The following THBS3 variants were observed in gnomAD, a reference collection of about 807,000 sequenced individuals.
THBS3 encodes thrombospondin-3.
THBS3 carries 78 observed loss-of-function variants against 118.3 expected under a neutral mutation model. The observed-to-expected ratio is 0.66, with a 90% CI of 0.55 to 0.80. The LOEUF is 0.80. THBS3 is among the 30% of genes least tolerant of loss of function. The probability of loss-of-function intolerance (pLI) is 0.00; values close to 1 mark genes in which losing one functional copy is unlikely to be tolerated. For synonymous variants in THBS3, 427 were observed against 475.3 expected, an observed-to-expected ratio of 0.90 and a Z score of 1.32; for missense variants, 1,057 against 1,247.4, an observed-to-expected ratio of 0.85 and a Z score of 2.30.
intron 4 of THBS3, among the ~76,000 whole-genome samples, chr1:155,204,011 G>T (rs1424217916): frequency 6.6e-6 from 1 of 151,830 alleles, no homozygotes; most frequent in African/African-American, 2.4e-5. Context: ...CTAATTTTTT[G>T]TATTTTTTAG....
chr1:155,202,794 G>C lies in THBS3; in HGVS notation c.957+18C>G. On this transcript the variant is annotated intron_variant, in intron 8 of 22. Coordinates refer to ENST00000368378, the MANE Select transcript of THBS3 (RefSeq NM_007112.5). This position sits in a 1 kb window ranked among gnomAD's most constrained non-coding sequence, Gnocchi z 5.5. ...CACCCCAGTTTTCTGTACCCTTCTG[G>C]GCTCTGACCTCCCTCACCTCATTGA... The C allele has an allele frequency of 6.2e-7, 1 of 1,602,568 alleles. No individual in the cohort carries two copies. The highest frequency in any genetic ancestry group is 8.5e-7 in the Non-Finnish European group (1 of 1,173,596).
chr1:155,206,226 G>GC lies in THBS3; in HGVS notation c.259dup (p.Ala87GlyfsTer33), dbSNP rs1379727466. Reference sequence around the variant, plus strand: ...TTTGTTGATCTTGCCTACAACAGAGGCCTCCAGCCATCGAGTGTTGTCTTG... The same window carrying GC: ...TTTGTTGATCTTGCCTACAACAGAGGCCCTCCAGCCATCGAGTGTTGTCTTG... On this transcript the variant is annotated frameshift_variant, in exon 2 of 23. Coordinates refer to ENST00000368378, the MANE Select transcript of THBS3 (RefSeq NM_007112.5). LOFTEE classifies it high-confidence loss of function. The surrounding 1 kb of genome is among the most constrained non-coding windows in gnomAD (Gnocchi z 4.2). 6.2e-7 allele frequency: 1 copy of GC among 1,614,112 alleles called. No individual in the cohort carries two copies. The highest frequency in any genetic ancestry group is 8.5e-7 in the Non-Finnish European group (1 of 1,180,012).
chr1:155,209,100 C>G, upstream of THBS3: 1 of 1,543,332 alleles, frequency 6.5e-7, no homozygotes, highest in Non-Finnish European at 8.7e-7. Context: ...CGCAGTTCAG[C>G]TGCCAGTCGG....
At chr1:155,208,978 G>T (rs764988599), upstream of THBS3, 11 of 1,605,534 alleles carry the variant, frequency 6.9e-6, no homozygotes, top group African/African-American at 5.3e-5. Context: ...CCACTTGGAC[G>T]AGGCGCCGTG....
At position 155,195,747 on chromosome 1, in the gene THBS3, C is replaced by A; in HGVS notation, c.*94G>T. ...GAGCCAGAGAAGGGTCTGTGGTTGG[C>A]TGAGGGGCTGTAGCTTAGACCTCAG... On this transcript the variant is annotated 3_prime_UTR_variant, in exon 23 of 23. Transcript: ENST00000368378. 1 of 1,378,708 alleles carries A rather than the reference C, an allele frequency of 7.3e-7. No individual in the cohort carries two copies. The highest frequency in any genetic ancestry group is 1.0e-6 in the Non-Finnish European group (1 of 988,510). 85.4% of individuals were successfully genotyped at this position (1,378,708 alleles called of 1,614,324 possible). A position where few individuals can be genotyped will look rare whatever the true frequency, so the allele number is the denominator to read the frequency against.
At position 155,201,704 on chromosome 1, in the gene THBS3, A is replaced by G. The variant is rs539737392; in HGVS notation, c.1177-135T>C. On this transcript the variant is annotated intron_variant, in intron 10 of 22. Transcript: ENST00000368378. Reference sequence around the variant, plus strand: ...ATATCAGTATCTCCTTTAGGTTATCATGACAACCTTTCAGGGTGGATAACA... The same window carrying G: ...ATATCAGTATCTCCTTTAGGTTATCGTGACAACCTTTCAGGGTGGATAACA... 1.8e-5 allele frequency: 20 copies of G among 1,098,658 alleles called. No homozygotes were observed. In the South Asian group the frequency reaches 3.0e-4, roughly 16 times the overall value. The allele number at this position is 1,098,658 out of a possible 1,614,324, so 68.1% of individuals were successfully genotyped here. A position where few individuals can be genotyped will look rare whatever the true frequency, so the allele number is the denominator to read the frequency against.
intron 16 of THBS3, among the ~76,000 whole-genome samples, chr1:155,199,587 C>T (rs1669331794): frequency 6.6e-6 from 1 of 152,058 alleles, no homozygotes; most frequent in Non-Finnish European, 1.5e-5. Context: ...AACCCTGTCT[C>T]TACTGAAAAT....
Position 155,204,868 on chromosome 1 carries a change from G to A in THBS3, c.633C>T (p.Ser211=), listed in dbSNP as rs201519926. 41 of 1,613,898 alleles carry A rather than the reference G, an allele frequency of 2.5e-5. No homozygotes were observed. The Admixed American group carries it at 4.2e-4, about 16-fold the overall frequency. ...TCTCTGTGTTACCTGCACTGTGGATGGACTCGTCCCCTTGGAATGGACACT... is the reference window on the plus strand; with the variant it reads ...TCTCTGTGTTACCTGCACTGTGGATAGACTCGTCCCCTTGGAATGGACACT... ...LSECPFQGDE[S]IHSAVTNALH... The change falls in exon 4 of 23, where the codon TCC becomes TCT. Residue 211 remains serine (S), a synonymous_variant. Transcript: ENST00000368378.
chr1:155,208,612 G>C (rs1277192933), upstream of THBS3: 2 of 594,330 alleles, frequency 3.4e-6, no homozygotes, highest in Non-Finnish European at 5.7e-6. Flanking sequence ...ACTAGCGGAC[G>C]GGCCGTGACC....
In THBS3 at chr1:155,202,682, C is replaced by T. The variant is rs1166345247; in HGVS notation, c.957+130G>A. ...CTTCTGTCTCTCCCATCTTGCATTT[C>T]TCTTGCCTCTGACCTCTCCTAAACT... On this transcript the variant is annotated intron_variant, in intron 8 of 22. Coordinates refer to ENST00000368378, the MANE Select transcript of THBS3 (RefSeq NM_007112.5). This position sits in a 1 kb window ranked among gnomAD's most constrained non-coding sequence, Gnocchi z 5.5. 9 of 1,352,194 alleles carry T rather than the reference C, an allele frequency of 6.7e-6. No homozygotes were observed. The highest frequency in any genetic ancestry group is 2.0e-6 in the Non-Finnish European group (2 of 996,278). 83.8% of individuals were successfully genotyped at this position (1,352,194 alleles called of 1,614,324 possible). A position where few individuals can be genotyped will look rare whatever the true frequency, so the allele number is the denominator to read the frequency against.
intron 12 of THBS3, 27 bp downstream of exon 12, chr1:155,201,067 G>GC (rs1557865371): frequency 1.2e-6 from 2 of 1,614,140 alleles, no homozygotes; most frequent in Admixed American, 3.3e-5. Flanking sequence ...TCCCCACTAC[G>GC]CCCCCTTGCC....
intron 17 of THBS3, 23 bp from the exon 18 acceptor site, chr1:155,198,243 C>A: frequency 6.2e-7 from 1 of 1,612,622 alleles, no homozygotes; most frequent in Non-Finnish European, 8.5e-7. Flanking sequence ...AGGCTGGGTG[C>A]TCAGGAAGGC....
In THBS3 at chr1:155,202,522, C is replaced by T. The variant is rs1358272170; in HGVS notation, c.958-121G>A. ...TGTGCAGCTCTCCCCACACAACTGC[C>T]TTGTGCTCCTGGTCCCCACCCCACT... On this transcript the variant is annotated intron_variant, in intron 8 of 22. Transcript: ENST00000368378. The surrounding 1 kb of genome is among the most constrained non-coding windows in gnomAD (Gnocchi z 5.5). 46 of 1,394,546 alleles carry T rather than the reference C, an allele frequency of 3.3e-5. No homozygotes were observed. Among genetic ancestry groups the T allele is most frequent in the Non-Finnish European group, 4.4e-5 (46 of 1,039,558 alleles). 86.4% of individuals were successfully genotyped at this position (1,394,546 alleles called of 1,614,324 possible).
At chr1:155,205,961 TACA>T (rs965039936) in intron 2 of THBS3, among the ~76,000 whole-genome samples, 1 of 152,152 alleles carries the variant, frequency 6.6e-6, no homozygotes, top group African/African-American at 2.4e-5. Context: ...CATCCCCAAG[TACA>T]ACCTCCCATC....
Position 155,203,077 on chromosome 1 carries a change from C to T in THBS3, c.808+9G>A. On this transcript the variant is annotated intron_variant, in intron 7 of 22. Coordinates refer to ENST00000368378, the MANE Select transcript of THBS3 (RefSeq NM_007112.5). ...GGTCATGTGGAGCCTCCCCTGCTCT[C>T]CCACTCACCGCACACCTGACACTCC... 3 of 1,614,162 alleles carry T rather than the reference C, an allele frequency of 1.9e-6. No individual in the cohort carries two copies. The highest frequency in any genetic ancestry group is 2.5e-6 in the Non-Finnish European group (3 of 1,180,026).
In THBS3 at chr1:155,200,957, A is replaced by G; in HGVS notation, c.1488T>C (p.Asn496=). ...TPNSGQEDAD[N]DGVGDQCDDD... is the part of the protein sequence containing the mutation. Reference sequence around the variant, plus strand: ...CATCACACTGGTCCCCCACACCATCATTATCAGCATCTTCCTGCCCAGAGT... The same window carrying G: ...CATCACACTGGTCCCCCACACCATCGTTATCAGCATCTTCCTGCCCAGAGT... Residue 496 remains asparagine, a synonymous_variant, in exon 13 of 23, where the codon AAT becomes AAC. Coordinates refer to ENST00000368378, the MANE Select transcript of THBS3 (RefSeq NM_007112.5). The G allele has an allele frequency of 6.2e-7, 1 of 1,614,082 alleles. No homozygotes were observed. The highest frequency in any genetic ancestry group is 8.5e-7 in the Non-Finnish European group (1 of 1,180,008).
chr1:155,208,643 C>T (rs1670879482), upstream of THBS3: 1 of 752,268 alleles, frequency 1.3e-6, no homozygotes, highest in South Asian at 2.1e-5. Flanking sequence ...AGAGGGGCGC[C>T]TGAGTTCCCG....
intron 13 of THBS3, 66 bp from the exon 14 acceptor site, chr1:155,200,676 C>T: frequency 6.3e-7 from 1 of 1,589,816 alleles, no homozygotes; most frequent in Non-Finnish European, 8.6e-7. Context: ...TTGCACCTAC[C>T]TTGTCTCTGT....
chr1:155,196,064 A>G lies in THBS3; in HGVS notation c.2735T>C (p.Met912Thr), dbSNP rs560635872. The G allele has an allele frequency of 6.2e-7, 1 of 1,614,132 alleles. No individual in the cohort carries two copies. The highest frequency in any genetic ancestry group is 1.1e-5 in the South Asian group (1 of 91,070). Residue 912 changes from methionine (M) to threonine (T), a missense_variant, in exon 22 of 23, where the codon ATG becomes ACG. Around this residue, in one of 3 missense-constraint regions of THBS3, gnomAD observed 307 missense variants for 326.1 expected, o/e 0.94. Transcript: ENST00000368378. ...GAATACACCAAGACGCCCCCCTCGC[A>G]TGGATGTGTCAATGATCACCCCAGA... ...ADSGVIIDTS[M>T]RGGRLGVFCF... is the part of the protein sequence containing the mutation.
Sources: gnomAD v4.1 joint callset for allele counts (sites outside exome capture counted in the v4.1 genomes callset) on GRCh38, gnomAD v4.1.1 for gene constraint, gnomAD v4.1.1 regional missense constraint, Gnocchi (gnomAD v3.1) non-coding constraint, MANE v1.5 for transcripts, NCBI Gene and HGNC (gene_info 2026-07-23, HGNC 2026-07-21) for gene names.